Variants in PRPS2 observed in about 807,000 individuals in gnomAD.
PRPS2 encodes the protein phosphoribosyl pyrophosphate synthetase 2, also known as ribose-phosphate pyrophosphokinase 2.
For missense variants in PRPS2, 104 were observed against 271.5 expected (o/e 0.38, Z 4.34); for synonymous variants, 111 against 115.3 (o/e 0.96, Z 0.24).
chrX:12,791,914 G>A (rs977376058), intron 1 of PRPS2, among the ~76,000 whole-genome samples: 2 of 112,878 alleles, frequency 1.8e-5, no homozygotes, highest in African/African-American at 6.4e-5. Context: ...CAGCGGTGCC[G>A]CCCGGCCTGG....
At chrX:12,791,751 A>AACGCGGCCT (rs1408277420) in intron 1 of PRPS2, 132 bp downstream of exon 1, 8 of 659,842 alleles carry the variant, frequency 1.2e-5, no homozygotes, top group Non-Finnish European at 1.3e-5. Context: ...GGACGGTGGC[A>AACGCGGCCT]ACGCGGCCTC....
At chrX:12,796,096 G>T (rs2042541627) in intron 1 of PRPS2, among the ~76,000 whole-genome samples, 1 of 111,095 alleles carries the variant, frequency 9.0e-6, no homozygotes, top group African/African-American at 3.3e-5. Flanking sequence ...GCCCAGGCTG[G>T]ACTAGAACTC....
chrX:12,806,084 A>C (rs891931684), intron 2 of PRPS2, among the ~76,000 whole-genome samples: 1 of 83,821 alleles, frequency 1.2e-5, no homozygotes, highest in Non-Finnish European at 2.6e-5. Flanking sequence ...TCTCAAAAGG[A>C]AAAAAAAAAA....
intron 6 of PRPS2, among the ~76,000 whole-genome samples, chrX:12,821,433 C>G (rs6639223): frequency 0.19 from 18,983 of 101,304 alleles, 2,069 homozygotes; most frequent in African/African-American, 0.35. Flanking sequence ...TAGAATGGTG[C>G]CTATCAGGGT....
chrX:12,811,965 G>A (rs150249053), intron 4 of PRPS2, among the ~76,000 whole-genome samples: 1,837 of 111,746 alleles, frequency 0.016, 40 homozygotes, highest in African/African-American at 0.056. Flanking sequence ...TATAAAAGAC[G>A]GGAGCAGAAA....
chrX:12,809,206 GT>G, intron 2 of PRPS2, 27 bp from the exon 3 acceptor site: 2 of 1,172,057 alleles, frequency 1.7e-6, no homozygotes, highest in Non-Finnish European at 2.3e-6. Flanking sequence ...ATCTTTTCCT[GT>G]TATAAAATTA....
At chrX:12,817,949 A>G (rs971943543) in intron 4 of PRPS2, among the ~76,000 whole-genome samples, 3 of 111,582 alleles carry the variant, frequency 2.7e-5, no homozygotes, top group African/African-American at 9.8e-5. Context: ...ATATCATGAA[A>G]TGTTCTGGAA....
At chrX:12,818,316 C>T (rs753594517) in intron 4 of PRPS2, among the ~76,000 whole-genome samples, 3 of 99,089 alleles carry the variant, frequency 3.0e-5, no homozygotes, top group South Asian at 9.6e-4. Context: ...TGCAGTGAGC[C>T]GAGATTGTGC....
chrX:12,796,570 G>C (rs1009848986), intron 1 of PRPS2, among the ~76,000 whole-genome samples: 1 of 111,674 alleles, frequency 9.0e-6, no homozygotes, highest in Non-Finnish European at 1.9e-5. Flanking sequence ...AGCAGGAGAA[G>C]AGAGAAGGAT....
chrX:12,810,746 A>T (rs1348545155), intron 4 of PRPS2, among the ~76,000 whole-genome samples: 3 of 110,080 alleles, frequency 2.7e-5, no homozygotes, highest in Non-Finnish European at 5.7e-5. Flanking sequence ...GCACCTTGGG[A>T]AGCCGAGGCG....
chrX:12,799,075 C>T, intron 1 of PRPS2, 132 bp from the exon 2 acceptor site: 1 of 559,543 alleles, frequency 1.8e-6, no homozygotes. Context: ...CAATAAATTA[C>T]AGCCATGAGT....
At chrX:12,821,533 C>A (rs6639224) in intron 6 of PRPS2, among the ~76,000 whole-genome samples, 1 of 110,309 alleles carries the variant, frequency 9.1e-6, no homozygotes, top group East Asian at 2.9e-4. Flanking sequence ...TGGAAATAAA[C>A]AATGGTGATA....
chrX:12,793,490 C>T (rs1033200925), intron 1 of PRPS2, among the ~76,000 whole-genome samples: 1 of 112,688 alleles, frequency 8.9e-6, no homozygotes, highest in African/African-American at 3.2e-5. Flanking sequence ...CCTCAAAAAC[C>T]ACTCAGCATG....
At chrX:12,801,245 T>C (rs1206604378) in intron 2 of PRPS2, among the ~76,000 whole-genome samples, 1 of 107,258 alleles carries the variant, frequency 9.3e-6, no homozygotes, top group African/African-American at 3.6e-5. Flanking sequence ...TGTGTGTGTG[T>C]GTGTGTGTAT....
chrX:12,792,766 G>C (rs753859261), intron 1 of PRPS2, among the ~76,000 whole-genome samples: 95 of 112,507 alleles, frequency 8.4e-4, no homozygotes, highest in African/African-American at 2.9e-3. Flanking sequence ...CTTTGAAGTG[G>C]ATCATAGACC....
intron 2 of PRPS2, among the ~76,000 whole-genome samples, chrX:12,801,467 CTG>C (rs761300269): frequency 3.6e-5 from 4 of 112,461 alleles, no homozygotes; most frequent in Non-Finnish European, 5.6e-5. Context: ...TTCTTCCCAT[CTG>C]TGTGTTTCCA....
chrX:12,818,283 A>C (rs189442849), intron 4 of PRPS2, among the ~76,000 whole-genome samples: 760 of 105,005 alleles, frequency 7.2e-3, no homozygotes, highest in African/African-American at 8.7e-3. Context: ...CAGGAGAATC[A>C]CTTGAACCCA....
chrX:12,814,745 G>A lies in PRPS2; in HGVS notation c.530+4599G>A, dbSNP rs768257755. ...GCAAGTGTCAACCTAAAAGTGGTATGGGAAGAGGGTAAAACTAGATAACTC... is the reference window on the plus strand; with the variant it reads ...GCAAGTGTCAACCTAAAAGTGGTATAGGAAGAGGGTAAAACTAGATAACTC... On this transcript the variant is annotated intron_variant, in intron 4 of 6. Coordinates refer to ENST00000380668, the MANE Select transcript of PRPS2 (RefSeq NM_002765.5). Among the ~76,000 whole-genome samples, 14 of 112,089 alleles carry A rather than the reference G, an allele frequency of 1.2e-4. No individual in the cohort carries two copies. In the South Asian group the frequency reaches 2.2e-3, roughly 18 times the overall value.
Position 12,823,047 on chromosome X carries a change from T to C in PRPS2, c.*251T>C, listed in dbSNP as rs189102420. 7.0e-4 allele frequency: 229 copies of C among 325,227 alleles called. 1 individual carries two copies. The highest frequency in any genetic ancestry group is 5.8e-3 in the African/African-American group (215 of 37,344). 26.8% of individuals were successfully genotyped at this position (325,227 alleles called of 1,213,427 possible). On this transcript the variant is annotated 3_prime_UTR_variant, in exon 7 of 7. Transcript: ENST00000380668. Reference sequence around the variant, plus strand: ...TAAATGAGAAACGTTTTTGTCATTTTGACTTTTAACAGGTACAGGTGATCT... The same window carrying C: ...TAAATGAGAAACGTTTTTGTCATTTCGACTTTTAACAGGTACAGGTGATCT...
Sources: allele counts gnomAD v4.1 joint callset (sites outside exome capture counted in the v4.1 genomes callset), GRCh38; gene constraint gnomAD v4.1.1; transcripts MANE v1.5; gene names NCBI Gene and HGNC (gene_info 2026-07-23, HGNC 2026-07-21).